CBFA2T3: variants seen among roughly 807,000 people sequenced by gnomAD.
The protein encoded by CBFA2T3 is CBFA2/RUNX1 partner transcriptional co-repressor 3.
A neutral mutation model predicts 58.6 loss-of-function variants in CBFA2T3; 31 were observed. The observed-to-expected ratio is 0.53, with a 90% CI of 0.40 to 0.71. The LOEUF (loss-of-function observed/expected upper bound fraction) is 0.71. Among genes scored for constraint, CBFA2T3 ranks in the 30% least tolerant of loss-of-function variants. CBFA2T3 has a pLI of 0.00. For missense variants in CBFA2T3, 1,076 were observed against 963.1 expected (o/e 1.12, Z -1.55); for synonymous variants, 531 against 421.9 (o/e 1.26, Z -3.17).
At chr16:88,881,944 G>T (rs1054095102) in intron 8 of CBFA2T3, among the ~76,000 whole-genome samples, 8 of 152,220 alleles carry the variant, frequency 5.3e-5, no homozygotes, top group South Asian at 4.1e-4. Flanking sequence ...GGCCGTCCCC[G>T]AACACGTCCT....
At chr16:88,933,840 C>T (rs940446762) in intron 1 of CBFA2T3, among the ~76,000 whole-genome samples, 3 of 152,224 alleles carry the variant, frequency 2.0e-5, no homozygotes, top group East Asian at 1.9e-4. Flanking sequence ...GTGAAATCCC[C>T]GTCCCTCTGC....
At chr16:88,878,111 C>T (rs1199886931) in intron 11 of CBFA2T3, among the ~76,000 whole-genome samples, 2 of 152,268 alleles carry the variant, frequency 1.3e-5, no homozygotes, top group South Asian at 2.1e-4. Flanking sequence ...CCGATGCCTG[C>T]GTGGCCAGCT....
At chr16:88,972,601 G>A (rs1355001756) in intron 1 of CBFA2T3, among the ~76,000 whole-genome samples, 1 of 152,198 alleles carries the variant, frequency 6.6e-6, no homozygotes, top group Admixed American at 6.5e-5. Context: ...CTCCGAGCCT[G>A]GGGCTGGACT....
intron 1 of CBFA2T3, among the ~76,000 whole-genome samples, chr16:88,966,583 C>G (rs1004707696): frequency 6.6e-6 from 1 of 152,186 alleles, no homozygotes; most frequent in Non-Finnish European, 1.5e-5. Flanking sequence ...CAGGCCCTGC[C>G]CAGCGCCCAG....
At chr16:88,951,702 G>A (rs1324631660) in intron 1 of CBFA2T3, among the ~76,000 whole-genome samples, 1 of 152,006 alleles carries the variant, frequency 6.6e-6, no homozygotes, top group African/African-American at 2.4e-5. Context: ...CCAGGAGGAG[G>A]GCAGGTGACC....
At chr16:88,880,650 C>G in intron 10 of CBFA2T3, 70 bp downstream of exon 10, 2 of 1,283,598 alleles carry the variant, frequency 1.6e-6, no homozygotes, top group Non-Finnish European at 1.1e-6. Context: ...AAAGCTGAGC[C>G]GGTGAGAGGC....
rs139809332 is a variant in CBFA2T3 at position 88,976,728 on chromosome 16, G to T, written c.80C>A (p.Pro27His). 2.5e-5 allele frequency: 39 copies of T among 1,557,460 alleles called. 2 individuals are homozygous for T. Among genetic ancestry groups the T allele is most frequent in the African/African-American group, 1.4e-4 (10 of 73,598 alleles). The part of the protein sequence containing the change: ...STCGSMSQTH[P>H]VLESGLLASA... ...TGCCAGGAGGCCGCTCTCCAGCACA[G>T]GGTGCGTCTGGGACATGGAGCCACA... The change falls in exon 1 of 12, where the codon CCT becomes CAT. Residue 27 changes from proline (P) to histidine (H), a missense_variant. Physicochemically the swap from Pro to His is moderately conservative, Grantham distance 77. Transcript: ENST00000268679.
chr16:88,895,488 C>T (rs1391346237), intron 3 of CBFA2T3, among the ~76,000 whole-genome samples: 1 of 152,198 alleles, frequency 6.6e-6, no homozygotes, highest in Non-Finnish European at 1.5e-5. Flanking sequence ...CGAAGACACA[C>T]AGCAGGGCAG....
At chr16:88,974,217 C>T (rs1478120531) in intron 1 of CBFA2T3, among the ~76,000 whole-genome samples, 1 of 152,194 alleles carries the variant, frequency 6.6e-6, no homozygotes, top group African/African-American at 2.4e-5. Flanking sequence ...GCAAAGTGGG[C>T]TTGGGGGGAC....
chr16:88,970,384 G>A (rs568226660), intron 1 of CBFA2T3, among the ~76,000 whole-genome samples: 2 of 152,344 alleles, frequency 1.3e-5, no homozygotes, highest in South Asian at 4.1e-4. Flanking sequence ...AGGGCGTGCA[G>A]TGGGGTCCCT....
intron 1 of CBFA2T3, among the ~76,000 whole-genome samples, chr16:88,959,550 C>A (rs894703422): frequency 6.6e-6 from 1 of 152,118 alleles, no homozygotes; most frequent in Non-Finnish European, 1.5e-5. Flanking sequence ...AAAAGCCAGG[C>A]GCAGTAGAGA....
chr16:88,877,386 G>C, intron 11 of CBFA2T3, 111 bp from the exon 12 acceptor site: 3 of 868,380 alleles, frequency 3.5e-6, no homozygotes, highest in East Asian at 2.8e-5. Context: ...GGTGAGAAGA[G>C]AGAAACTCCA....
At chr16:88,924,563 G>A (rs992548047) in intron 1 of CBFA2T3, among the ~76,000 whole-genome samples, 13 of 152,182 alleles carry the variant, frequency 8.5e-5, no homozygotes, top group African/African-American at 3.1e-4. Flanking sequence ...GCAGCTCTCG[G>A]TGCTGTGTCG....
chr16:88,944,465 C>G (rs188868517), intron 1 of CBFA2T3, among the ~76,000 whole-genome samples: 2 of 152,128 alleles, frequency 1.3e-5, no homozygotes, highest in South Asian at 4.2e-4. Flanking sequence ...CCTGGGAGAC[C>G]GTGCCTGGCT....
At chr16:88,936,020 G>A (rs1313645326) in intron 1 of CBFA2T3, among the ~76,000 whole-genome samples, 1 of 152,190 alleles carries the variant, frequency 6.6e-6, no homozygotes, top group Non-Finnish European at 1.5e-5. Flanking sequence ...GCAGGGGGCT[G>A]CAGTCACCCC....
chr16:88,969,472 CT>C (rs1206173371), intron 1 of CBFA2T3, among the ~76,000 whole-genome samples: 1 of 152,234 alleles, frequency 6.6e-6, no homozygotes, highest in Non-Finnish European at 1.5e-5. Flanking sequence ...GGAAGAGGGT[CT>C]TTCCTCACCA....
At chr16:88,930,137 A>G (rs1451849192) in intron 1 of CBFA2T3, among the ~76,000 whole-genome samples, 2 of 147,634 alleles carry the variant, frequency 1.4e-5, no homozygotes, top group Non-Finnish European at 2.9e-5. Context: ...TGGTCCACGT[A>G]AAAGCTACCA....
intron 1 of CBFA2T3, among the ~76,000 whole-genome samples, chr16:88,973,985 C>T (rs777899935): frequency 6.6e-5 from 10 of 152,176 alleles, no homozygotes; most frequent in African/African-American, 1.4e-4. Context: ...ACCACCTCCC[C>T]GAGATCCCAC....
chr16:88,962,379 A>G (rs1972386992), intron 1 of CBFA2T3, among the ~76,000 whole-genome samples: 1 of 152,290 alleles, frequency 6.6e-6, no homozygotes, highest in Non-Finnish European at 1.5e-5. Context: ...ATGAGACGCC[A>G]TGAACCAGCC....
Sources: gnomAD v4.1 joint callset for allele counts (sites outside exome capture counted in the v4.1 genomes callset) on GRCh38, gnomAD v4.1.1 for gene constraint, MANE v1.5 for transcripts, NCBI Gene and HGNC (gene_info 2026-07-23, HGNC 2026-07-21) for gene names.